The following HMGB1 variants were observed in gnomAD, a reference collection of about 807,000 sequenced individuals.
HMGB1 encodes the protein high mobility group protein B1.
For synonymous variants in HMGB1, 81 were observed against 84.0 expected, an observed-to-expected ratio of 0.96 and a Z score of 0.19; for missense variants, 79 against 253.5, an observed-to-expected ratio of 0.31 and a Z score of 4.67.
intron 1 of HMGB1, among the ~76,000 whole-genome samples, chr13:30,487,307 A>G: frequency 6.6e-6 from 1 of 152,220 alleles, no homozygotes; most frequent in East Asian, 1.9e-4. Flanking sequence ...TGCTTTCAAC[A>G]CTTGGTGCCT....
rs772336667 is a variant in HMGB1, at chr13:30,463,681, G to A, written c.-1C>T. 3.0e-5 allele frequency: 46 copies of A among 1,545,222 alleles called. No homozygotes were observed. The highest frequency in any genetic ancestry group is 3.2e-5 in the Non-Finnish European group (37 of 1,149,492). ...GCTTCTTAGGATCTCCTTTGCCCAT[G>A]TTTAGTTATTTTTCTAAAAAATAAA... On this transcript the variant is annotated 5_prime_UTR_variant, in exon 2 of 5. Transcript: ENST00000341423.
chr13:30,576,197 C>A (rs1222331814), intron 1 of HMGB1, among the ~76,000 whole-genome samples: 1 of 152,166 alleles, frequency 6.6e-6, no homozygotes, highest in African/African-American at 2.4e-5. Context: ...AATTTTCAAA[C>A]CCCACAATGG....
At chr13:30,519,965 A>G (rs1245916663) in intron 1 of HMGB1, among the ~76,000 whole-genome samples, 1 of 152,214 alleles carries the variant, frequency 6.6e-6, no homozygotes, top group Non-Finnish European at 1.5e-5. Context: ...AAAATATTTA[A>G]CACTCTTTTG....
intron 1 of HMGB1, among the ~76,000 whole-genome samples, chr13:30,608,310 T>C (rs548791057): frequency 6.6e-6 from 1 of 152,286 alleles, no homozygotes; most frequent in East Asian, 1.9e-4. Flanking sequence ...CATAACAAAA[T>C]ATAACTAATA....
rs544287507 is a variant in HMGB1, at chr13:30,567,732, G to C, written c.-15+48939C>G. ...AGGGTGCTGGTGGTGAGGCAACTGA[G>C]GGGCTAACATACTGATAGCTGCTGA... is the stretch of plus-strand genomic sequence containing the variant. On this transcript the variant is annotated intron_variant, in intron 1 of 4. Transcript: ENST00000405805. Among the ~76,000 whole-genome samples the C allele has an allele frequency of 2.2e-4, 34 of 152,286 alleles. No homozygotes were observed. The South Asian group carries it at 6.8e-3, about 31-fold the overall frequency.
At chr13:30,499,729 G>T (rs9579586) in intron 1 of HMGB1, among the ~76,000 whole-genome samples, 1 of 152,096 alleles carries the variant, frequency 6.6e-6, no homozygotes, top group South Asian at 2.1e-4. Context: ...AGACCAAAAA[G>T]GAACCTTGAA....
intron 1 of HMGB1, among the ~76,000 whole-genome samples, chr13:30,489,114 A>G (rs554832558): frequency 6.6e-6 from 1 of 152,282 alleles, no homozygotes; most frequent in South Asian, 2.1e-4. Context: ...CAGGCTTAGC[A>G]ACTGATGGAT....
intron 1 of HMGB1, among the ~76,000 whole-genome samples, chr13:30,587,818 A>G (rs1359246077): frequency 1.3e-5 from 2 of 152,190 alleles, no homozygotes; most frequent in African/African-American, 4.8e-5. Flanking sequence ...AAGAGTCTGG[A>G]AAAAGGGTAA....
At chr13:30,607,356 ATGGGGGCGGCC>A (rs1370183491) in intron 1 of HMGB1, among the ~76,000 whole-genome samples, 1 of 152,104 alleles carries the variant, frequency 6.6e-6, no homozygotes, top group Non-Finnish European at 1.5e-5. Flanking sequence ...GGACTGGATC[ATGGGGGCGGCC>A]TTCCCCCTTG....
chr13:30,599,336 C>T (rs1289856328), intron 1 of HMGB1, among the ~76,000 whole-genome samples: 4 of 152,132 alleles, frequency 2.6e-5, no homozygotes, highest in Admixed American at 6.5e-5. Flanking sequence ...TGTGTGGTGG[C>T]TCATGCCTGT....
intron 1 of HMGB1, among the ~76,000 whole-genome samples, chr13:30,544,171 G>A (rs1008671897): frequency 6.6e-6 from 1 of 152,206 alleles, no homozygotes; most frequent in African/African-American, 2.4e-5. Context: ...CAAGTCAGAG[G>A]TTCTGAACCA....
At chr13:30,539,029 TG>T (rs1434777594) in intron 1 of HMGB1, among the ~76,000 whole-genome samples, 1 of 152,156 alleles carries the variant, frequency 6.6e-6, no homozygotes, top group Non-Finnish European at 1.5e-5. Context: ...CCCTAGTAGC[TG>T]GGATTACAGG....
intron 1 of HMGB1, among the ~76,000 whole-genome samples, chr13:30,500,453 C>G (rs1887708697): frequency 6.6e-6 from 1 of 150,892 alleles, no homozygotes; most frequent in African/African-American, 2.4e-5. Flanking sequence ...CACCTCAGCC[C>G]TGAATTCCTG....
rs1566019271 is a variant in HMGB1, at chr13:30,538,711, C to CTTTCT, written c.-14-75022_-14-75018dup. Among the ~76,000 whole-genome samples, 66 of 79,296 alleles carry CTTTCT rather than the reference C, an allele frequency of 8.3e-4. 1 individual carries two copies. The highest frequency in any genetic ancestry group is 3.0e-3 in the African/African-American group (64 of 21,358). The allele number at this position is 79,296 out of a possible 152,430, so 52.0% of individuals were successfully genotyped here. A position where few individuals can be genotyped will look rare whatever the true frequency, so the allele number is the denominator to read the frequency against. On this transcript the variant is annotated intron_variant, in intron 1 of 4. Transcript: ENST00000405805. ...TTTCTTTCTTTCTTTCTTTTTCTTT[C>CTTTCT]TTTCTTCTTTTTCTTTCTTTTTCTT...
At chr13:30,527,867 C>T (rs1025012975) in intron 1 of HMGB1, among the ~76,000 whole-genome samples, 2 of 152,116 alleles carry the variant, frequency 1.3e-5, no homozygotes, top group Non-Finnish European at 2.9e-5. Context: ...GCTCTTCCCC[C>T]CATAGTAGAA....
Position 30,465,889 on chromosome 13 carries a change from G to A in HMGB1, c.-108C>T, listed in dbSNP as rs575440942. 148 of 985,838 alleles carry A rather than the reference G, an allele frequency of 1.5e-4. 1 individual carries two copies. In the African/African-American group the frequency reaches 2.5e-3, roughly 16 times the overall value. 61.1% of individuals were successfully genotyped at this position (985,838 alleles called of 1,614,324 possible). On this transcript the variant is annotated 5_prime_UTR_variant, in exon 1 of 5. Transcript: ENST00000341423. Reference sequence around the variant, plus strand: ...GCTCAATGTACTGCAATGGCTGTGAGAGCGGGAGCCAGACGCAGCCTCCTC... The same window carrying A: ...GCTCAATGTACTGCAATGGCTGTGAAAGCGGGAGCCAGACGCAGCCTCCTC...
intron 1 of HMGB1, among the ~76,000 whole-genome samples, chr13:30,602,403 GT>G (rs1014058069): frequency 2.6e-5 from 4 of 152,148 alleles, no homozygotes; most frequent in African/African-American, 9.7e-5. Flanking sequence ...AATAAACGAT[GT>G]TTTTTAAACC....
At chr13:30,615,421 G>A (rs1265747136) in intron 1 of HMGB1, among the ~76,000 whole-genome samples, 1 of 151,964 alleles carries the variant, frequency 6.6e-6, no homozygotes, top group East Asian at 1.9e-4. Flanking sequence ...CACATACCAG[G>A]GGCCAAGGGC....
At chr13:30,462,508 C>A in intron 4 of HMGB1, 30 bp downstream of exon 4, 1 of 1,579,584 alleles carries the variant, frequency 6.3e-7, no homozygotes, top group South Asian at 1.1e-5. Flanking sequence ...TACTTGTCAT[C>A]ATTTTACCAA....
Sources: gnomAD v4.1 joint callset for allele counts (sites outside exome capture counted in the v4.1 genomes callset) on GRCh38, gnomAD v4.1.1 for gene constraint, MANE v1.5 for transcripts, NCBI Gene and HGNC (gene_info 2026-07-23, HGNC 2026-07-21) for gene names.